Variants in ZNF292 observed in about 807,000 individuals in gnomAD.
ZNF292 encodes the protein zinc finger protein 292, also known as 16 zinc-finger domain protein.
A neutral mutation model predicts 217.9 loss-of-function variants in ZNF292; 26 were observed. That is an observed-to-expected ratio of 0.12 (90% CI 0.09 to 0.17). The LOEUF (loss-of-function observed/expected upper bound fraction) is 0.17, where lower values mean the gene tolerates loss of function less well. ZNF292 is among the 10% of genes least tolerant of loss of function. ZNF292 has a pLI of 1.00. For synonymous variants in ZNF292, 1,257 were observed against 1,124.1 expected, an observed-to-expected ratio of 1.12 and a Z score of -2.37; for missense variants, 2,904 against 3,175.2, an observed-to-expected ratio of 0.91 and a Z score of 2.05.
In ZNF292 at chr6:87,260,961, T is replaced by C. The variant is rs755632425; in HGVS notation, c.7332T>C (p.Ala2444=). The C allele has an allele frequency of 6.1e-5, 98 of 1,609,970 alleles. No individual in the cohort carries two copies. Among genetic ancestry groups the C allele is most frequent in the Non-Finnish European group, 8.1e-5 (95 of 1,177,950 alleles). The change falls in exon 8 of 8, where the codon GCT becomes GCC. Residue 2444 remains alanine, a synonymous_variant. Transcript: ENST00000369577. ...AGGAAACGTCTGAGCAAGAAGGTGC[T>C]AAGAATGATGTGAAAGATTCTGACA... ...QVKETSEQEG[A]KNDVKDSDTC...
At chr6:87,185,945 G>A (rs1002590628) in intron 1 of ZNF292, among the ~76,000 whole-genome samples, 3 of 152,120 alleles carry the variant, frequency 2.0e-5, no homozygotes, top group Admixed American at 6.5e-5. Context: ...ATGCACGTTC[G>A]GCTCTCCAGA....
At chr6:87,175,611 G>A (rs1771262447) in intron 1 of ZNF292, among the ~76,000 whole-genome samples, 1 of 152,174 alleles carries the variant, frequency 6.6e-6, no homozygotes, top group African/African-American at 2.4e-5. Flanking sequence ...AGTGCTAGGA[G>A]TACAGATGTG....
chr6:87,180,938 C>T (rs909936959), intron 1 of ZNF292, among the ~76,000 whole-genome samples: 2 of 152,148 alleles, frequency 1.3e-5, no homozygotes, highest in Non-Finnish European at 2.9e-5. Context: ...AGGTGTGGCT[C>T]ACCTGCTTGG....
chr6:87,249,422 A>G, intron 7 of ZNF292: 2 of 320,598 alleles, frequency 6.2e-6, no homozygotes, highest in Non-Finnish European at 1.3e-5. Context: ...GCCACCACAC[A>G]TGACCTTCGC....
intron 1 of ZNF292, among the ~76,000 whole-genome samples, chr6:87,174,689 G>A (rs1354915642): frequency 6.6e-6 from 1 of 152,012 alleles, no homozygotes; most frequent in East Asian, 1.9e-4. Context: ...AAAGACTTAC[G>A]CTGCTTATTC....
Position 87,260,173 on chromosome 6 carries a change from A to G in ZNF292, c.6544A>G (p.Ile2182Val), listed in dbSNP as rs1775486729. ...ATGTCAGGTAAGTGACTGTTCTCGA[A>G]TTTTCCAAGCAATTACTGGCCTAAT... The part of the protein sequence containing the change: ...FRCQVSDCSR[I>V]FQAITGLIQH... The change falls in exon 8 of 8, where the codon ATT becomes GTT. Residue 2182 changes from isoleucine to valine, a missense_variant. Physicochemically the swap from Ile to Val is conservative, Grantham distance 29. This residue lies in a region of ZNF292 where 261 missense variants were observed against 272.8 expected (regional missense o/e 0.96). Transcript: ENST00000369577. The G allele has an allele frequency of 2.5e-6, 4 of 1,612,796 alleles. No homozygotes were observed. In the South Asian group the frequency reaches 4.4e-5, roughly 18 times the overall value.
At chr6:87,192,870 A>G (rs1231839188) in intron 1 of ZNF292, among the ~76,000 whole-genome samples, 1 of 152,204 alleles carries the variant, frequency 6.6e-6, no homozygotes, top group Non-Finnish European at 1.5e-5. Context: ...GTTCACATAT[A>G]CTGGTACTTT....
At chr6:87,206,386 A>G (rs533599420) in intron 1 of ZNF292, among the ~76,000 whole-genome samples, 4 of 152,230 alleles carry the variant, frequency 2.6e-5, no homozygotes, top group African/African-American at 4.8e-5. Flanking sequence ...GAATAGTACC[A>G]TGAATACCCA....
In ZNF292 at chr6:87,263,243, TAAG is replaced by T. The variant is rs1775693719; in HGVS notation, c.*1445_*1447del. 1 of 152,062 alleles carries T rather than the reference TAAG, an allele frequency of 6.6e-6. No individual in the cohort carries two copies. The highest frequency in any genetic ancestry group is 1.5e-5 in the Non-Finnish European group (1 of 67,910). 9.4% of individuals were successfully genotyped at this position (152,062 alleles called of 1,614,324 possible). ...CCAACTAAAATCAGTAGTAGAAACA[TAAG>T]AAAACATCTTTGCAATATTTACTTT... On this transcript the variant is annotated 3_prime_UTR_variant, in exon 8 of 8. Coordinates refer to ENST00000369577, the MANE Select transcript of ZNF292 (RefSeq NM_015021.3).
At chr6:87,243,351 G>T (rs970541357) in intron 5 of ZNF292, 124 bp from the exon 6 acceptor site, 7 of 646,338 alleles carry the variant, frequency 1.1e-5, no homozygotes, top group Admixed American at 4.2e-5. Flanking sequence ...ACTTGATAGT[G>T]TATGAATTAA....
At chr6:87,239,673 G>A (rs1252629791) in intron 5 of ZNF292, among the ~76,000 whole-genome samples, 2 of 87,474 alleles carry the variant, frequency 2.3e-5, no homozygotes, top group Non-Finnish European at 4.2e-5. Context: ...CTTCTCAGAC[G>A]GGGCGGCTGC....
chr6:87,254,541 G>C (rs2127855655), intron 7 of ZNF292, 109 bp from the exon 8 acceptor site: 2 of 1,029,290 alleles, frequency 1.9e-6, no homozygotes, highest in Non-Finnish European at 2.9e-6. Context: ...TTCATAAGTT[G>C]CTATTGCAAG....
At chr6:87,225,492 G>C (rs547444834) in intron 4 of ZNF292, among the ~76,000 whole-genome samples, 1 of 152,132 alleles carries the variant, frequency 6.6e-6, no homozygotes, top group East Asian at 1.9e-4. Flanking sequence ...AAATTTTATA[G>C]TTTCACATTT....
intron 3 of ZNF292, among the ~76,000 whole-genome samples, chr6:87,218,210 C>T (rs10488045): frequency 0.082 from 12,436 of 151,922 alleles, 861 homozygotes; most frequent in African/African-American, 0.19. Context: ...TCACTTAGTT[C>T]GTTATGCAAA....
intron 7 of ZNF292, among the ~76,000 whole-genome samples, chr6:87,248,951 G>T (rs954140694): frequency 6.6e-6 from 1 of 152,138 alleles, no homozygotes; most frequent in African/African-American, 2.4e-5. Flanking sequence ...TGTTGCTAGT[G>T]GCAATCCTAC....
At chr6:87,186,576 A>G (rs1487679928) in intron 1 of ZNF292, among the ~76,000 whole-genome samples, 1 of 152,206 alleles carries the variant, frequency 6.6e-6, no homozygotes, top group African/African-American at 2.4e-5. Flanking sequence ...GATTTCAGGT[A>G]GATAATAAGT....
At chr6:87,196,620 C>T (rs1771959262) in intron 1 of ZNF292, among the ~76,000 whole-genome samples, 1 of 152,224 alleles carries the variant, frequency 6.6e-6, no homozygotes, top group African/African-American at 2.4e-5. Context: ...AAGCTATGCA[C>T]TTACTCAAAG....
chr6:87,227,146 G>A (rs772972526), intron 4 of ZNF292, among the ~76,000 whole-genome samples: 7 of 152,218 alleles, frequency 4.6e-5, no homozygotes, highest in Admixed American at 6.5e-5. Flanking sequence ...TCCTGAAAAT[G>A]TAACATCTTT....
At chr6:87,160,066 A>G (rs899374974) in intron 1 of ZNF292, among the ~76,000 whole-genome samples, 2 of 152,204 alleles carry the variant, frequency 1.3e-5, no homozygotes, top group African/African-American at 2.4e-5. Flanking sequence ...CAACATTTCT[A>G]TTGAACATCT....
Sources: gnomAD v4.1 joint callset for allele counts (sites outside exome capture counted in the v4.1 genomes callset) on GRCh38, gnomAD v4.1.1 for gene constraint, gnomAD v4.1.1 regional missense constraint, MANE v1.5 for transcripts, NCBI Gene and HGNC (gene_info 2026-07-23, HGNC 2026-07-21) for gene names.